The following PLXNA1 variants were observed in gnomAD, a reference collection of about 807,000 sequenced individuals.
The protein encoded by PLXNA1 is plexin A1.
PLXNA1 carries 77 observed loss-of-function variants against 191.7 expected under a neutral mutation model. The observed-to-expected ratio is 0.40, with a 90% CI of 0.33 to 0.49. The LOEUF is 0.49. Among genes scored for constraint, PLXNA1 ranks in the 20% least tolerant of loss-of-function variants. The pLI is 0.63. For missense variants in PLXNA1, 2,110 were observed against 2,660.2 expected, an observed-to-expected ratio of 0.79 and a Z score of 4.55; for synonymous variants, 1,137 against 1,156.4, an observed-to-expected ratio of 0.98 and a Z score of 0.34.
chr3:126,989,490 C>T lies in PLXNA1; in HGVS notation c.897C>T (p.Pro299=), dbSNP rs759512229. The T allele has an allele frequency of 1.2e-6, 2 of 1,613,600 alleles. No individual in the cohort carries two copies. Residue 299 remains proline (P), a synonymous_variant, in exon 2 of 32, where the codon CCC becomes CCT. Transcript: ENST00000393409. ...DPKFYSYVEF[P]IGCEQAGVEY... ...AATTCTACTCGTACGTTGAGTTCCC[C>T]ATTGGCTGCGAGCAGGCGGGTGTGG...
Position 126,983,118 on chromosome 3 carries a change from C to G in PLXNA1, c.-243C>G, listed in dbSNP as rs2078938425. 6.9e-6 allele frequency among the ~76,000 whole-genome samples: 1 copy of G among 145,622 alleles called. No homozygotes were observed. Among genetic ancestry groups the G allele is most frequent in the South Asian group, 2.1e-4 (1 of 4,812 alleles). ...GCCGCGCGGCGCTCGGCGCCCCATT[C>G]ATGCTGGGCATCGGCTGCGCGGCCA... On this transcript the variant is annotated 5_prime_UTR_variant, in exon 1 of 32. Transcript: ENST00000393409.
intron 3 of PLXNA1, among the ~76,000 whole-genome samples, chr3:126,992,557 A>G (rs2078995981): frequency 6.6e-6 from 1 of 151,538 alleles, no homozygotes; most frequent in Non-Finnish European, 1.5e-5. Context: ...TGGCTCTGTG[A>G]TCTCTGGGAG....
chr3:127,006,027 G>T (rs1576677169), intron 7 of PLXNA1, 52 bp from the exon 8 acceptor site: 1 of 1,401,980 alleles, frequency 7.1e-7, no homozygotes, highest in East Asian at 2.3e-5. Context: ...CTTGCCCTGT[G>T]TGGGAGTCCT....
In PLXNA1 at chr3:127,035,455, T is replaced by C. The variant is rs1381420323; in HGVS notation, c.*1438T>C. On this transcript the variant is annotated 3_prime_UTR_variant, in exon 32 of 32. Coordinates refer to ENST00000393409, the MANE Select transcript of PLXNA1 (RefSeq NM_032242.4). ...TGCGGGCCGCTGTTTTGGTTTGACA[T>C]GACAAGGAAAGGACTTCCTGCTGAC... The C allele has an allele frequency of 6.6e-6, 1 of 152,356 alleles. No homozygotes were observed. The highest frequency in any genetic ancestry group is 1.5e-5 in the Non-Finnish European group (1 of 68,052). 9.4% of individuals were successfully genotyped at this position (152,356 alleles called of 1,614,324 possible).
chr3:126,998,813 G>T (rs2079026484), intron 3 of PLXNA1, among the ~76,000 whole-genome samples: 1 of 152,168 alleles, frequency 6.6e-6, no homozygotes, highest in Non-Finnish European at 1.5e-5. Context: ...CTCAGTCTCT[G>T]CTCTCCCTGT....
intron 3 of PLXNA1, among the ~76,000 whole-genome samples, chr3:126,998,233 A>G (rs1470816260): frequency 6.6e-6 from 1 of 152,168 alleles, no homozygotes; most frequent in Non-Finnish European, 1.5e-5. Context: ...TCACTTCACC[A>G]GAGAAGGTGG....
chr3:127,025,681 G>A (rs1359944550), intron 23 of PLXNA1, among the ~76,000 whole-genome samples: 2 of 152,170 alleles, frequency 1.3e-5, no homozygotes, highest in Non-Finnish European at 2.9e-5. Context: ...GACCTCATAT[G>A]AGTGGAATCA....
intron 25 of PLXNA1, among the ~76,000 whole-genome samples, 163 bp downstream of exon 25, chr3:127,028,503 T>G (rs2079188444): frequency 6.6e-6 from 1 of 151,702 alleles, no homozygotes; most frequent in African/African-American, 2.4e-5. Context: ...CCAGGTTGGG[T>G]ATAGAGGGTG....
At position 127,022,213 on chromosome 3, in the gene PLXNA1, G is replaced by A. The variant is rs771099357; in HGVS notation, c.4167G>A (p.Val1389=). 2 of 1,613,432 alleles carry A rather than the reference G, an allele frequency of 1.2e-6. No homozygotes were observed. The highest frequency in any genetic ancestry group is 1.7e-6 in the Non-Finnish European group (2 of 1,179,984). ...RSFSMRDRGN[V]ASLIMTALQG... ...TCTCCATGCGCGACCGCGGGAATGT[G>A]GCCTCGCTCATCATGACGGCCCTGC... Residue 1389 remains valine (V), a synonymous_variant, in exon 22 of 32, where the codon GTG becomes GTA. Transcript: ENST00000393409.
intron 3 of PLXNA1, among the ~76,000 whole-genome samples, chr3:126,993,078 C>A (rs1347620790): frequency 6.6e-6 from 1 of 152,204 alleles, no homozygotes; most frequent in Admixed American, 6.5e-5. Context: ...CCAGCACTCA[C>A]CCTCTTGTGC....
At chr3:127,025,915 G>T (rs1309206088) in intron 23 of PLXNA1, among the ~76,000 whole-genome samples, 1 of 152,216 alleles carries the variant, frequency 6.6e-6, no homozygotes, top group African/African-American at 2.4e-5. Flanking sequence ...ATTCCTTGCT[G>T]TCTTTAGAAA....
intron 3 of PLXNA1, among the ~76,000 whole-genome samples, chr3:127,000,371 C>T (rs937959296): frequency 2.0e-5 from 3 of 152,160 alleles, no homozygotes; most frequent in Non-Finnish European, 4.4e-5. Flanking sequence ...GGTGGGCTGC[C>T]TCCAGGCGGG....
At chr3:127,022,878 GGA>G in intron 23 of PLXNA1, 60 bp downstream of exon 23, 1 of 1,394,652 alleles carries the variant, frequency 7.2e-7, no homozygotes, top group Non-Finnish European at 1.0e-6. Context: ...AGGGGAAAAC[GGA>G]GAGAGGTGGG....
Position 126,989,152 on chromosome 3 carries a change from G to A in PLXNA1, c.559G>A (p.Val187Met), listed in dbSNP as rs1199026244. The A allele has an allele frequency of 1.8e-5, 29 of 1,613,266 alleles. No individual in the cohort carries two copies. The highest frequency in any genetic ancestry group is 4.5e-5 in the East Asian group (2 of 44,884). Residue 187 changes from valine (V) to methionine (M), a missense_variant, in exon 2 of 32, where the codon GTG becomes ATG. Transcript: ENST00000393409. Reference protein sequence around the residue: ...PPGQGQAKLFVGTPIDGKSEY... With the variant: ...PPGQGQAKLFMGTPIDGKSEY... ...GGGCCAGGGCCAGGCCAAGCTCTTCGTGGGCACACCCATCGATGGCAAGTC... is the reference window on the plus strand; with the variant it reads ...GGGCCAGGGCCAGGCCAAGCTCTTCATGGGCACACCCATCGATGGCAAGTC...
At chr3:126,983,978 C>T (rs897085259) in intron 1 of PLXNA1, among the ~76,000 whole-genome samples, 1 of 152,188 alleles carries the variant, frequency 6.6e-6, no homozygotes, top group Non-Finnish European at 1.5e-5. Flanking sequence ...GGGTGCCGCC[C>T]AGGAGGCCGC....
At chr3:127,017,968 C>T in intron 19 of PLXNA1, 76 bp downstream of exon 19, 11 of 1,564,116 alleles carry the variant, frequency 7.0e-6, no homozygotes, top group Non-Finnish European at 9.5e-6. Flanking sequence ...TAGCACAGCC[C>T]CAGCTCTGAC....
intron 29 of PLXNA1, among the ~76,000 whole-genome samples, chr3:127,031,398 C>A (rs79203706): frequency 0.04 from 6,052 of 152,282 alleles, 211 homozygotes; most frequent in African/African-American, 0.09. Flanking sequence ...ACTGCTCCCC[C>A]ACACCTGGGG....
In PLXNA1 at chr3:127,005,158, G is replaced by T. The variant is rs149221143; in HGVS notation, c.1812G>T (p.Thr604=). 1 of 1,612,686 alleles carries T rather than the reference G, an allele frequency of 6.2e-7. No homozygotes were observed. Among genetic ancestry groups the T allele is most frequent in the Non-Finnish European group, 8.5e-7 (1 of 1,179,926 alleles). The part of the protein sequence containing the change: ...AGVNCSFEDF[T]ESESVLEDGR... ...TCAACTGCTCCTTCGAGGACTTCAC[G>T]GAATCTGAGAGCGTCCTGGAGGATG... The change falls in exon 7 of 32, where the codon ACG becomes ACT. Residue 604 remains threonine, a synonymous_variant. Transcript: ENST00000393409.
At chr3:126,994,506 G>A (rs1380637194) in intron 3 of PLXNA1, among the ~76,000 whole-genome samples, 1 of 149,942 alleles carries the variant, frequency 6.7e-6, no homozygotes, top group Admixed American at 6.6e-5. Flanking sequence ...GGGCCAGGAG[G>A]AGGAGATCTA....
Sources: allele counts gnomAD v4.1 joint callset (sites outside exome capture counted in the v4.1 genomes callset), GRCh38; gene constraint gnomAD v4.1.1; transcripts MANE v1.5; gene names NCBI Gene and HGNC (gene_info 2026-07-23, HGNC 2026-07-21).